Variants in CEP85L observed in about 807,000 individuals in gnomAD.
The protein encoded by CEP85L is centrosomal protein of 85 kDa-like.
A neutral mutation model predicts 100.3 loss-of-function variants in CEP85L; 60 were observed. The observed-to-expected ratio is 0.60, with a 90% confidence interval of 0.49 to 0.74. The LOEUF (loss-of-function observed/expected upper bound fraction) is 0.74. Among genes scored for constraint, CEP85L ranks in the 30% least tolerant of loss-of-function variants. The pLI, the probability that CEP85L is intolerant of heterozygous loss-of-function variation, is 0.00. For missense variants in CEP85L, 973 were observed against 936.2 expected (o/e 1.04, Z -0.51); for synonymous variants, 319 against 322.7 (o/e 0.99, Z 0.12).
chr6:118,699,366 G>A (rs1359439627), intron 1 of CEP85L, among the ~76,000 whole-genome samples: 1 of 150,938 alleles, frequency 6.6e-6, no homozygotes, highest in Non-Finnish European at 1.5e-5. Flanking sequence ...GAGGTGGGAG[G>A]ATCACTTGAG....
chr6:118,691,399 G>A lies in CEP85L; in HGVS notation c.-28+18637C>T, dbSNP rs370100829. ...AAATACAAAATTAGCCAGATGTGGC[G>A]GTGCATGCCTGTAATCCCAGCTACT... On this transcript the variant is annotated intron_variant, in intron 1 of 13. Transcript: ENST00000368488. 7.1e-4 allele frequency among the ~76,000 whole-genome samples: 108 copies of A among 152,132 alleles called. 1 individual carries two copies. The highest frequency in any genetic ancestry group is 2.5e-3 in the African/African-American group (104 of 41,472).
intron 2 of CEP85L, among the ~76,000 whole-genome samples, chr6:118,631,469 C>A (rs1053267083): frequency 1.3e-5 from 2 of 152,220 alleles, no homozygotes; most frequent in Non-Finnish European, 2.9e-5. Flanking sequence ...TCCTAGGCAT[C>A]TACTCACCCA....
At chr6:118,682,672 G>T (rs913898938) in intron 1 of CEP85L, among the ~76,000 whole-genome samples, 20 of 151,236 alleles carry the variant, frequency 1.3e-4, no homozygotes, top group Middle Eastern at 6.9e-3. Context: ...TCAGGTAGAG[G>T]TAAGTGAAGC....
chr6:118,684,942 G>A (rs1054762003), intron 1 of CEP85L, among the ~76,000 whole-genome samples: 2 of 152,108 alleles, frequency 1.3e-5, no homozygotes, highest in African/African-American at 4.8e-5. Context: ...GTGAAGCACC[G>A]CGCCTGGCCC....
At chr6:118,549,003 T>C (rs1374790458) in intron 3 of CEP85L, among the ~76,000 whole-genome samples, 1 of 151,970 alleles carries the variant, frequency 6.6e-6, no homozygotes, top group Non-Finnish European at 1.5e-5. Context: ...AACAAACATT[T>C]CTAAAAAAAT....
rs539285616 is a variant in CEP85L, at chr6:118,535,067, C to A, written c.1021-11147G>T. 1.4e-4 allele frequency among the ~76,000 whole-genome samples: 21 copies of A among 152,168 alleles called. 1 individual carries two copies. Among genetic ancestry groups the A allele is most frequent in the African/African-American group, 5.1e-4 (21 of 41,546 alleles). On this transcript the variant is annotated intron_variant, in intron 3 of 12. Coordinates refer to ENST00000368491, the MANE Select transcript of CEP85L (RefSeq NM_001042475.3). ...AATAAAAATAAATACTCAAATAAAA[C>A]TAAAAACACGTCCACATAGAACCAT... is the stretch of plus-strand genomic sequence containing the variant.
intron 5 of CEP85L, among the ~76,000 whole-genome samples, chr6:118,503,422 T>C (rs7759420): frequency 0.029 from 4,470 of 152,250 alleles, 113 homozygotes; most frequent in African/African-American, 0.056. Flanking sequence ...TATTACTTAG[T>C]AGATTCAATG....
At chr6:118,506,192 A>G (rs1235058825) in intron 5 of CEP85L, among the ~76,000 whole-genome samples, 1 of 152,230 alleles carries the variant, frequency 6.6e-6, no homozygotes, top group Non-Finnish European at 1.5e-5. Context: ...ATTCAAACTG[A>G]TGCAATTTTA....
intron 10 of CEP85L, among the ~76,000 whole-genome samples, chr6:118,479,039 T>C (rs1233937125): frequency 1.3e-5 from 2 of 152,192 alleles, no homozygotes; most frequent in Non-Finnish European, 2.9e-5. Flanking sequence ...CCTTGAATTA[T>C]GGTCCAGCAT....
Position 118,600,365 on chromosome 6 carries a change from GT to G in CEP85L, c.232+32087del, listed in dbSNP as rs1562298123. Among the ~76,000 whole-genome samples the G allele has an allele frequency of 6.2e-3, 824 of 131,842 alleles. 142 individuals are homozygous for G. Among genetic ancestry groups the G allele is most frequent in the African/African-American group, 0.015 (553 of 35,782 alleles). 86.5% of individuals were successfully genotyped at this position (131,842 alleles called of 152,430 possible). ...TGTGTGTGTGTGTGTGTGTGTGTGT[GT>G]GTGTAACGCCATGGAGCAATCTCAG... is the stretch of plus-strand genomic sequence containing the variant. On this transcript the variant is annotated intron_variant, in intron 2 of 12. Transcript: ENST00000368491.
chr6:118,506,762 A>T (rs1158403194), intron 5 of CEP85L, among the ~76,000 whole-genome samples: 1 of 152,162 alleles, frequency 6.6e-6, no homozygotes, highest in Admixed American at 6.5e-5. Context: ...TCATATAGAA[A>T]AACAAAAATC....
At chr6:118,640,422 C>A (rs557194354) in intron 1 of CEP85L, among the ~76,000 whole-genome samples, 1 of 152,264 alleles carries the variant, frequency 6.6e-6, no homozygotes, top group South Asian at 2.1e-4. Context: ...AATCACTTAA[C>A]CTCTCTGTGC....
intron 2 of CEP85L, among the ~76,000 whole-genome samples, chr6:118,580,473 C>T (rs1246894838): frequency 1.3e-5 from 2 of 152,216 alleles, no homozygotes. Context: ...AGGCATCTAT[C>T]TGTCTGCTGG....
At chr6:118,676,898 C>T (rs1467024448) in intron 1 of CEP85L, among the ~76,000 whole-genome samples, 4 of 152,038 alleles carry the variant, frequency 2.6e-5, no homozygotes, top group East Asian at 3.9e-4. Context: ...CGGTGTAAGA[C>T]GATATCTCAT....
rs547286514 is a variant in CEP85L, at chr6:118,462,645, T to C, written c.*2760A>G. 3 of 152,140 alleles carry C rather than the reference T, an allele frequency of 2.0e-5. No homozygotes were observed. In the East Asian group the frequency reaches 5.8e-4, roughly 29 times the overall value. The allele number at this position is 152,140 out of a possible 1,614,324, so 9.4% of individuals were successfully genotyped here. On this transcript the variant is annotated 3_prime_UTR_variant, in exon 13 of 13. Transcript: ENST00000368491. ...AAATAGATTCACTTTAAAATTTAGGTTAATTTTCATTTCAGGAATATATTG... is the reference window on the plus strand; with the variant it reads ...AAATAGATTCACTTTAAAATTTAGGCTAATTTTCATTTCAGGAATATATTG...
At chr6:118,543,437 T>TA (rs955180847) in intron 3 of CEP85L, among the ~76,000 whole-genome samples, 5 of 151,086 alleles carry the variant, frequency 3.3e-5, no homozygotes, top group Admixed American at 6.6e-5. Context: ...GTGTAGAGCT[T>TA]AAAAAAATCA....
In CEP85L at chr6:118,682,081, T is replaced by G. The variant is rs534528995; in HGVS notation, c.-28+27955A>C. Reference sequence around the variant, plus strand: ...GCACCCAGCCTGTTATAATTACTTCTAATCATAATATTTCTTACTTACAGG... The same window carrying G: ...GCACCCAGCCTGTTATAATTACTTCGAATCATAATATTTCTTACTTACAGG... On this transcript the variant is annotated intron_variant, in intron 1 of 13. Coordinates refer to the CEP85L transcript ENST00000368488. Among the ~76,000 whole-genome samples the G allele has an allele frequency of 2.0e-5, 3 of 151,960 alleles. No homozygotes were observed. The East Asian group carries it at 5.8e-4, about 29-fold the overall frequency.
intron 4 of CEP85L, among the ~76,000 whole-genome samples, chr6:118,513,424 T>C (rs1466663703): frequency 6.6e-6 from 1 of 151,930 alleles, no homozygotes; most frequent in Non-Finnish European, 1.5e-5. Flanking sequence ...ATCAAATAGA[T>C]TACAGTGATA....
rs1050496423 is a variant in CEP85L, at chr6:118,466,780, C to G, written c.2255-1212G>C. Among the ~76,000 whole-genome samples, 6 of 152,184 alleles carry G rather than the reference C, an allele frequency of 3.9e-5. No individual in the cohort carries two copies. The South Asian group carries it at 1.2e-3, about 32-fold the overall frequency. On this transcript the variant is annotated intron_variant, in intron 12 of 12. Coordinates refer to ENST00000368491, the MANE Select transcript of CEP85L (RefSeq NM_001042475.3). The stretch of plus-strand genomic sequence containing the variant: ...AACCAGGTTCATAGTTTAGACAGAT[C>G]TGTCTGGCAACAATGTAAAATGGAT...
Sources: gnomAD v4.1 joint callset for allele counts (sites outside exome capture counted in the v4.1 genomes callset) on GRCh38, gnomAD v4.1.1 for gene constraint, MANE v1.5 for transcripts, NCBI Gene and HGNC (gene_info 2026-07-23, HGNC 2026-07-21) for gene names.